The following PRKCE variants were observed in gnomAD, a reference collection of about 807,000 sequenced individuals.
The protein encoded by PRKCE is protein kinase C epsilon type.
Under a neutral mutation model 85.4 loss-of-function variants are expected in PRKCE, and 16 were observed. The observed-to-expected ratio is 0.19, with a 90% CI of 0.13 to 0.28. The LOEUF is 0.28. PRKCE is among the 10% of genes least tolerant of loss of function. The pLI is 1.00. For synonymous variants in PRKCE, 388 were observed against 371.5 expected, an observed-to-expected ratio of 1.04 and a Z score of -0.51; for missense variants, 573 against 975.2, an observed-to-expected ratio of 0.59 and a Z score of 5.49.
At chr2:46,103,240 C>G (rs1044318707) in intron 11 of PRKCE, among the ~76,000 whole-genome samples, 17 of 152,188 alleles carry the variant, frequency 1.1e-4, no homozygotes, top group Non-Finnish European at 2.5e-4. Context: ...CTTTGACATA[C>G]CCCCATCATT....
chr2:45,843,026 G>C lies in PRKCE; in HGVS notation c.375G>C (p.Val125=). The C allele has an allele frequency of 6.2e-7, 1 of 1,614,202 alleles. No individual in the cohort carries two copies. The highest frequency in any genetic ancestry group is 2.2e-5 in the East Asian group (1 of 44,888). ...DWIDLEPEGR[V]YVIIDLSGSS... The stretch of plus-strand genomic sequence containing the variant: ...TTGATCTGGAGCCAGAAGGAAGAGT[G>C]TATGTGATCATCGATCTCTCAGGGT... The change falls in exon 2 of 15, where the codon GTG becomes GTC. Residue 125 remains valine, a synonymous_variant. Coordinates refer to ENST00000306156, the MANE Select transcript of PRKCE (RefSeq NM_005400.3).
intron 10 of PRKCE, among the ~76,000 whole-genome samples, chr2:46,032,248 G>A (rs943953606): frequency 6.6e-6 from 1 of 151,600 alleles, no homozygotes; most frequent in Admixed American, 6.6e-5. Flanking sequence ...TTCTTTGACA[G>A]ATGAGGAAAT....
chr2:45,873,779 C>T (rs368656275), intron 2 of PRKCE, among the ~76,000 whole-genome samples: 145 of 152,358 alleles, frequency 9.5e-4, no homozygotes, highest in African/African-American at 3.3e-3. Flanking sequence ...GCAGTCCTCC[C>T]TGTGAGCCTC....
chr2:46,009,646 G>T (rs1046845505), intron 9 of PRKCE, among the ~76,000 whole-genome samples: 5 of 152,168 alleles, frequency 3.3e-5, no homozygotes, highest in African/African-American at 1.2e-4. Context: ...ACTTATGAGG[G>T]TTTCCATCTT....
At chr2:46,000,059 C>T (rs1456356740) in intron 6 of PRKCE, among the ~76,000 whole-genome samples, 1 of 152,156 alleles carries the variant, frequency 6.6e-6, no homozygotes, top group Non-Finnish European at 1.5e-5. Flanking sequence ...GTTTTAAATT[C>T]CCAGTCAGAT....
intron 1 of PRKCE, among the ~76,000 whole-genome samples, chr2:45,823,380 G>T (rs1689693295): frequency 6.6e-6 from 1 of 152,238 alleles, no homozygotes; most frequent in African/African-American, 2.4e-5. Context: ...TAGCTGAGCT[G>T]TTGAATTACT....
chr2:45,740,243 G>A (rs1682443746), intron 1 of PRKCE, among the ~76,000 whole-genome samples: 1 of 152,094 alleles, frequency 6.6e-6, no homozygotes, highest in South Asian at 2.1e-4. Flanking sequence ...TATCTGACTG[G>A]AGCAGTGAAG....
rs762167715 is a variant in PRKCE, at chr2:46,159,792, G to A, written c.2067+40G>A. On this transcript the variant is annotated intron_variant, in intron 14 of 14. Transcript: ENST00000306156. This position sits in a 1 kb window ranked among gnomAD's most constrained non-coding sequence, Gnocchi z 4.1. ...GTGCACGTTCAGCACCATGGGTCGGGCCCAGGTACTTGCAGGACAGGCTGC... is the reference window on the plus strand; with the variant it reads ...GTGCACGTTCAGCACCATGGGTCGGACCCAGGTACTTGCAGGACAGGCTGC... 1 of 1,594,852 alleles carries A rather than the reference G, an allele frequency of 6.3e-7. No individual in the cohort carries two copies. The highest frequency in any genetic ancestry group is 8.5e-7 in the Non-Finnish European group (1 of 1,178,286).
chr2:45,673,310 A>G lies in PRKCE; in HGVS notation c.348+20862A>G, dbSNP rs527647424. The stretch of plus-strand genomic sequence containing the variant: ...TCATTCACACTCAAAAACGAATGCC[A>G]TAATCAAGTGAATTTGGAAAACCAT... On this transcript the variant is annotated intron_variant, in intron 1 of 14. Coordinates refer to ENST00000306156, the MANE Select transcript of PRKCE (RefSeq NM_005400.3). Among the ~76,000 whole-genome samples the G allele has an allele frequency of 3.3e-5, 5 of 152,380 alleles. No homozygotes were observed. The East Asian group carries it at 7.7e-4, about 24-fold the overall frequency.
chr2:45,937,488 G>A (rs185271749), intron 2 of PRKCE, among the ~76,000 whole-genome samples: 24 of 152,334 alleles, frequency 1.6e-4, no homozygotes, highest in Non-Finnish European at 2.2e-4. Context: ...TCAGGCGCGC[G>A]GATCACGAGG....
intron 10 of PRKCE, among the ~76,000 whole-genome samples, chr2:46,070,523 G>A (rs1326024786): frequency 2.0e-5 from 3 of 152,104 alleles, no homozygotes; most frequent in South Asian, 2.1e-4. Flanking sequence ...TGCACCTGTA[G>A]TCCCAGCTTT....
At chr2:46,057,686 A>C (rs1666724372) in intron 10 of PRKCE, among the ~76,000 whole-genome samples, 1 of 152,110 alleles carries the variant, frequency 6.6e-6, no homozygotes, top group African/African-American at 2.4e-5. Context: ...CACCCGGCTC[A>C]GCCTTCAAAT....
At chr2:45,679,585 G>A (rs1160650256) in intron 1 of PRKCE, among the ~76,000 whole-genome samples, 1 of 152,210 alleles carries the variant, frequency 6.6e-6, no homozygotes, top group Non-Finnish European at 1.5e-5. Context: ...TGTACAGGTT[G>A]TAATAGTTAT....
At chr2:46,000,664 T>G (rs1351904768) in intron 6 of PRKCE, among the ~76,000 whole-genome samples, 1 of 151,224 alleles carries the variant, frequency 6.6e-6, no homozygotes, top group African/African-American at 2.4e-5. Flanking sequence ...GACTCTCAAC[T>G]GAATGTACAA....
chr2:46,152,184 A>ATT (rs200243387), intron 13 of PRKCE, among the ~76,000 whole-genome samples: 2 of 145,732 alleles, frequency 1.4e-5, no homozygotes, highest in Non-Finnish European at 1.5e-5. Context: ...TTACAAAGAA[A>ATT]TTTTTTTTTT....
At chr2:46,162,728 A>G (rs1394770257) in intron 14 of PRKCE, among the ~76,000 whole-genome samples, 1 of 152,200 alleles carries the variant, frequency 6.6e-6, no homozygotes, top group Non-Finnish European at 1.5e-5. Context: ...CAGGTCTTTC[A>G]AGACTTCTTC....
At chr2:46,122,469 C>G (rs1409029867) in intron 11 of PRKCE, among the ~76,000 whole-genome samples, 1 of 152,174 alleles carries the variant, frequency 6.6e-6, no homozygotes, top group African/African-American at 2.4e-5. Flanking sequence ...CTCAAGTGAT[C>G]CATCCACCTT....
At chr2:46,071,792 T>A (rs1348507355) in intron 10 of PRKCE, among the ~76,000 whole-genome samples, 1 of 152,212 alleles carries the variant, frequency 6.6e-6, no homozygotes, top group Non-Finnish European at 1.5e-5. Context: ...AATCAAAGCT[T>A]CCACCCAGTC....
chr2:45,819,048 G>A (rs532393848), intron 1 of PRKCE, among the ~76,000 whole-genome samples: 2 of 152,308 alleles, frequency 1.3e-5, no homozygotes, highest in East Asian at 3.9e-4. Context: ...TATTGAGAGT[G>A]AGGCATTTGC....
Sources: gnomAD v4.1 joint callset for allele counts (sites outside exome capture counted in the v4.1 genomes callset) on GRCh38, gnomAD v4.1.1 for gene constraint, Gnocchi (gnomAD v3.1) non-coding constraint, MANE v1.5 for transcripts, NCBI Gene and HGNC (gene_info 2026-07-23, HGNC 2026-07-21) for gene names.